The following TSBP1 variants were observed in gnomAD, a reference collection of about 807,000 sequenced individuals.
The protein encoded by TSBP1 is testis expressed basic protein 1.
A neutral mutation model predicts 68.8 loss-of-function variants in TSBP1; 56 were observed. The observed-to-expected ratio is 0.81, with a 90% CI of 0.66 to 1.02. The LOEUF is 1.02. Among genes scored for constraint, TSBP1 ranks in the 50% least tolerant of loss-of-function variants. TSBP1 has a pLI of 0.00. For missense variants in TSBP1, 502 were observed against 641.2 expected (o/e 0.78, Z 2.34); for synonymous variants, 171 against 208.7 (o/e 0.82, Z 1.56).
intron 2 of TSBP1, 87 bp from the exon 3 acceptor site, chr6:32,368,901 G>A: frequency 1.4e-6 from 2 of 1,450,946 alleles, no homozygotes; most frequent in Non-Finnish European, 1.9e-6. Flanking sequence ...TCTAAGCTAT[G>A]CTTCTTGCTT....
chr6:32,329,574 G>A (rs1768683078), intron 16 of TSBP1, among the ~76,000 whole-genome samples: 1 of 152,108 alleles, frequency 6.6e-6, no homozygotes, highest in African/African-American at 2.4e-5. Flanking sequence ...GTGGGATGCT[G>A]CCTGCCCTCT....
rs541501129 is a variant in TSBP1 at position 32,314,506 on chromosome 6, A to G, written c.580+1266T>C. 2.7e-4 allele frequency among the ~76,000 whole-genome samples: 41 copies of G among 152,304 alleles called. No individual in the cohort carries two copies. The highest frequency in any genetic ancestry group is 1.0e-3 in the Admixed American group (16 of 15,304). On this transcript the variant is annotated intron_variant, in intron 19 of 22. Coordinates refer to ENST00000612031, the Ensembl canonical transcript of TSBP1. The surrounding 1 kb of genome is among the most constrained non-coding windows in gnomAD (Gnocchi z 4.2). ...TTTCCAGCTTCATTTCTGGGTCTCA[A>G]CCACTGAGTATGTATTTTCATCTGT... is the stretch of plus-strand genomic sequence containing the variant.
intron 4 of TSBP1, 162 bp from the exon 5 acceptor site, chr6:32,366,464 G>T (rs3129928): frequency 0.79 from 618,241 of 784,362 alleles, 245,756 homozygotes; most frequent in East Asian, 0.93. Context: ...AACAGTTCAT[G>T]AAAAAATAAG....
chr6:32,317,722 T>G (rs1218224763), intron 18 of TSBP1, among the ~76,000 whole-genome samples: 1 of 152,174 alleles, frequency 6.6e-6, no homozygotes, highest in Non-Finnish European at 1.5e-5. Flanking sequence ...CATCACTGAT[T>G]GTTAGAGAAA....
intron 8 of TSBP1, among the ~76,000 whole-genome samples, chr6:32,351,194 C>G (rs1363829018): frequency 6.6e-6 from 1 of 152,108 alleles, no homozygotes; most frequent in Non-Finnish European, 1.5e-5. Flanking sequence ...TGAGTTCTAG[C>G]CAATCTAATG....
intron 19 of TSBP1, among the ~76,000 whole-genome samples, chr6:32,311,901 G>A (rs191582537): frequency 6.6e-6 from 1 of 152,162 alleles, no homozygotes; most frequent in Admixed American, 6.5e-5. Flanking sequence ...GTAGTGCAGA[G>A]TGTCCTTGTT....
rs918102624 is a variant in TSBP1 at position 32,357,128 on chromosome 6, T to G, written c.218-1459A>C. On this transcript the variant is annotated intron_variant, in intron 6 of 22. Coordinates refer to ENST00000612031, the Ensembl canonical transcript of TSBP1. This position sits in a 1 kb window ranked among gnomAD's most constrained non-coding sequence, Gnocchi z 4.7. Reference sequence around the variant, plus strand: ...TGGGAACCTAGAAACTTAGGATGACTGAGATTTATAGGTTATGTTAGGGGG... The same window carrying G: ...TGGGAACCTAGAAACTTAGGATGACGGAGATTTATAGGTTATGTTAGGGGG... Among the ~76,000 whole-genome samples, 13 of 152,252 alleles carry G rather than the reference T, an allele frequency of 8.5e-5. No individual in the cohort carries two copies. The highest frequency in any genetic ancestry group is 2.9e-4 in the African/African-American group (12 of 41,550).
chr6:32,365,752 C>T lies in TSBP1; in HGVS notation c.217+415G>A. The T allele has an allele frequency of 2.5e-6, 1 of 402,318 alleles. No homozygotes were observed. Among genetic ancestry groups the T allele is most frequent in the South Asian group, 1.8e-5 (1 of 54,636 alleles). The allele number at this position is 402,318 out of a possible 1,614,324, so 24.9% of individuals were successfully genotyped here. A position where few individuals can be genotyped will look rare whatever the true frequency, so the allele number is the denominator to read the frequency against. ...ATGTGGGTAAAGTGAAACTGTTCTT[C>T]TTACCCTCTTTAATACATCTGTTCT... is the stretch of plus-strand genomic sequence containing the variant. On this transcript the variant is annotated intron_variant, in intron 6 of 22. Transcript: ENST00000612031. This position sits in a 1 kb window ranked among gnomAD's most constrained non-coding sequence, Gnocchi z 4.3.
chr6:32,363,366 G>A (rs140541535), intron 6 of TSBP1, among the ~76,000 whole-genome samples: 114 of 151,926 alleles, frequency 7.5e-4, no homozygotes, highest in African/African-American at 2.5e-3. Context: ...ATCCATTTAC[G>A]TTCAAGTAAT....
chr6:32,346,013 T>TAAGGATGC (rs1447818526), intron 9 of TSBP1, among the ~76,000 whole-genome samples: 431 of 9,838 alleles, frequency 0.044, 129 homozygotes, highest in Middle Eastern at 0.33. Context: ...ATTTTTTTTT[T>TAAGGATGC]TTTTTTTTTT....
At chr6:32,370,061 C>T in intron 1 of TSBP1, 78 bp from the exon 2 acceptor site, 2 of 872,014 alleles carry the variant, frequency 2.3e-6, no homozygotes, top group Non-Finnish European at 3.8e-6. Context: ...TCACCTCTTA[C>T]TATCCACCAG....
Position 32,313,565 on chromosome 6 carries a change from C to G in TSBP1, c.580+2207G>C, listed in dbSNP as rs185233044. 4.4e-3 allele frequency among the ~76,000 whole-genome samples: 667 copies of G among 152,198 alleles called. 2 individuals carry two copies. Among genetic ancestry groups the G allele is most frequent in the Admixed American group, 6.9e-3 (106 of 15,282 alleles). ...GTTGGAATTCTCCAATTTGTTGGGA[C>G]TTGTGAGGTATCACTCATATGGTGC... is the stretch of plus-strand genomic sequence containing the variant. On this transcript the variant is annotated intron_variant, in intron 19 of 22. Transcript: ENST00000612031.
rs772595326 is a variant in TSBP1, at chr6:32,366,120, A to C, written c.217+47T>G. ...TAGCCTTTTATGTTGTGGCAGGAAG[A>C]AGCCTGATTTTCCTTTAATTTTACA... On this transcript the variant is annotated intron_variant, in intron 6 of 22. Coordinates refer to ENST00000612031, the Ensembl canonical transcript of TSBP1. 1.9e-6 allele frequency: 3 copies of C among 1,597,126 alleles called. No homozygotes were observed. In the South Asian group the frequency reaches 3.4e-5, roughly 18 times the overall value.
At chr6:32,355,269 A>AC in intron 7 of TSBP1, 125 bp from the exon 8 acceptor site, 1 of 922,648 alleles carries the variant, frequency 1.1e-6, no homozygotes, top group Non-Finnish European at 1.7e-6. Context: ...GGGAGTCATC[A>AC]CTGATCTGGT....
intron 18 of TSBP1, among the ~76,000 whole-genome samples, chr6:32,319,201 C>A (rs1288202895): frequency 6.6e-6 from 1 of 152,124 alleles, no homozygotes; most frequent in Non-Finnish European, 1.5e-5. Flanking sequence ...TAGGAGTAAC[C>A]CTTGGTGTCT....
In TSBP1 at chr6:32,293,994, AT is replaced by A. The variant is rs1562045749; in HGVS notation, c.678del (p.Lys226AsnfsTer9). 2 of 1,611,630 alleles carry A rather than the reference AT, an allele frequency of 1.2e-6. No homozygotes were observed. The highest frequency in any genetic ancestry group is 1.7e-6 in the Non-Finnish European group (2 of 1,179,826). On this transcript the variant is annotated frameshift_variant, in exon 23 of 23. Transcript: ENST00000612031. LOFTEE classifies it low-confidence loss of function (END_TRUNC). ...TTTAGAATCTGGATTTTGGAACAAG[AT>A]TTTTTTGCAAGTTCTTCATCCATGT...
chr6:32,299,084 G>T (rs146950335), intron 22 of TSBP1, among the ~76,000 whole-genome samples: 1 of 152,184 alleles, frequency 6.6e-6, no homozygotes, highest in African/African-American at 2.4e-5. Context: ...TTCAGTATAG[G>T]AGGCAATGTG....
Position 32,333,737 on chromosome 6 carries a change from G to A in TSBP1, c.473-1683C>T, listed in dbSNP as rs9357140. Among the ~76,000 whole-genome samples, 51,246 of 152,144 alleles carry A rather than the reference G, an allele frequency of 0.34. 9,698 individuals carry two copies. The highest frequency in any genetic ancestry group is 0.52 in the Middle Eastern group (153 of 294). ...AGCTATGGTAATCTTCTAAGTCTGC[G>A]TGGTTAGTTGAATCTAAAAAGACCA... On this transcript the variant is annotated intron_variant, in intron 14 of 22. Transcript: ENST00000612031. The surrounding 1 kb of genome is among the most constrained non-coding windows in gnomAD (Gnocchi z 4.2).
At position 32,365,295 on chromosome 6, in the gene TSBP1, CAA is replaced by C. The variant is rs1773565613; in HGVS notation, c.217+870_217+871del. 2.2e-6 allele frequency: 1 copy of C among 456,718 alleles called. No homozygotes were observed. Among genetic ancestry groups the C allele is most frequent in the East Asian group, 6.9e-5 (1 of 14,400 alleles). 28.3% of individuals were successfully genotyped at this position (456,718 alleles called of 1,614,324 possible). ...CCCTAGGGTGGTGCTCTGGAATTCT[CAA>C]GTTTGTGTCCTTTTTTCCAATCCCA... is the stretch of plus-strand genomic sequence containing the variant. On this transcript the variant is annotated intron_variant, in intron 6 of 22. Coordinates refer to ENST00000612031, the Ensembl canonical transcript of TSBP1. This position sits in a 1 kb window ranked among gnomAD's most constrained non-coding sequence, Gnocchi z 4.3.
Sources: gnomAD v4.1 joint callset for allele counts (sites outside exome capture counted in the v4.1 genomes callset) on GRCh38, gnomAD v4.1.1 for gene constraint, Gnocchi (gnomAD v3.1) non-coding constraint, MANE v1.5 for transcripts, NCBI Gene and HGNC (gene_info 2026-07-23, HGNC 2026-07-21) for gene names.